PRKN: variants seen among roughly 807,000 people sequenced by gnomAD.
PRKN encodes E3 ubiquitin-protein ligase parkin.
A neutral mutation model predicts 59.5 loss-of-function variants in PRKN; 56 were observed. That is an observed-to-expected ratio of 0.94 (90% confidence interval 0.76 to 1.18). PRKN has a LOEUF of 1.18. Ranked by LOEUF, PRKN falls within the 50% of genes most tolerant of loss-of-function variation. The pLI is 0.00. For synonymous variants in PRKN, 250 were observed against 222.1 expected, an observed-to-expected ratio of 1.13 and a Z score of -1.12; for missense variants, 657 against 596.4, an observed-to-expected ratio of 1.10 and a Z score of -1.06.
chr6:162,331,333 C>CA (rs1048452850), intron 2 of PRKN, among the ~76,000 whole-genome samples: 7 of 152,150 alleles, frequency 4.6e-5, no homozygotes, highest in Non-Finnish European at 1.0e-4. Context: ...TATCAACCAT[C>CA]AATCCTAAAC....
rs975595691 is a variant in PRKN, at chr6:161,457,634, T to TA, written c.1084-70758dup. Among the ~76,000 whole-genome samples the TA allele has an allele frequency of 2.6e-5, 4 of 152,192 alleles. No individual in the cohort carries two copies. Among genetic ancestry groups the TA allele is most frequent in the Non-Finnish European group, 5.9e-5 (4 of 68,026 alleles). ...TGCTCTGTGATCTGAGGGCTGAAGA[T>TA]ACATTACTGAAAACTCCAAGAAGGT... On this transcript the variant is annotated intron_variant, in intron 9 of 11. Coordinates refer to ENST00000366898, the MANE Select transcript of PRKN (RefSeq NM_004562.3). The surrounding 1 kb of genome is among the most constrained non-coding windows in gnomAD (Gnocchi z 5.0).
chr6:161,704,428 C>T (rs1025898497), intron 7 of PRKN, among the ~76,000 whole-genome samples: 2 of 152,090 alleles, frequency 1.3e-5, no homozygotes, highest in Non-Finnish European at 1.5e-5. Flanking sequence ...CTACTTAAAC[C>T]TCACCTTAGA....
chr6:162,217,811 G>A lies in PRKN; in HGVS notation c.413-16559C>T, dbSNP rs533174954. Among the ~76,000 whole-genome samples, 8 of 152,226 alleles carry A rather than the reference G, an allele frequency of 5.3e-5. No individual in the cohort carries two copies. In the South Asian group the frequency reaches 1.7e-3, roughly 32 times the overall value. ...AAAACACTATCATGGTATTGTTAAG[G>A]CTCCAGCTTGGGGTTGTCTCTCAAT... On this transcript the variant is annotated intron_variant, in intron 3 of 11. Transcript: ENST00000366898.
chr6:161,814,794 G>A (rs1307218617), intron 6 of PRKN, among the ~76,000 whole-genome samples: 3 of 152,142 alleles, frequency 2.0e-5, no homozygotes, highest in Non-Finnish European at 4.4e-5. Flanking sequence ...GAGTAACCGC[G>A]CCCAGCCGGG....
intron 4 of PRKN, among the ~76,000 whole-genome samples, chr6:162,092,970 A>G (rs564531079): frequency 1.3e-5 from 2 of 152,210 alleles, no homozygotes; most frequent in Non-Finnish European, 2.9e-5. Context: ...CTTAGCTCTC[A>G]GAGCCGAAGC....
chr6:161,596,821 CCT>C (rs779739537), intron 7 of PRKN, among the ~76,000 whole-genome samples: 18 of 152,200 alleles, frequency 1.2e-4, no homozygotes, highest in Non-Finnish European at 1.9e-4. Flanking sequence ...TAGTTCTCTA[CCT>C]CTTTCTTCCC....
chr6:161,912,240 T>C (rs1035801882), intron 6 of PRKN, among the ~76,000 whole-genome samples: 3 of 151,884 alleles, frequency 2.0e-5, no homozygotes, highest in African/African-American at 7.3e-5. Context: ...GATATCTTCC[T>C]TGAGCGGACG....
chr6:161,957,899 G>A (rs1182142745), intron 6 of PRKN, among the ~76,000 whole-genome samples: 2 of 152,022 alleles, frequency 1.3e-5, no homozygotes, highest in African/African-American at 4.8e-5. Context: ...TTAACTACGC[G>A]GATCAATTTA....
At chr6:161,860,428 C>T (rs1211720597) in intron 6 of PRKN, among the ~76,000 whole-genome samples, 1 of 152,176 alleles carries the variant, frequency 6.6e-6, no homozygotes, top group Non-Finnish European at 1.5e-5. Flanking sequence ...TAATATCCCA[C>T]TTAAATCTTC....
intron 3 of PRKN, among the ~76,000 whole-genome samples, chr6:162,231,887 A>G (rs1161437850): frequency 1.3e-5 from 2 of 152,170 alleles, no homozygotes; most frequent in African/African-American, 2.4e-5. Context: ...AAGGAAATGC[A>G]GTGCTCTGTA....
chr6:162,149,336 C>T (rs1782162730), intron 4 of PRKN, among the ~76,000 whole-genome samples: 3 of 152,054 alleles, frequency 2.0e-5, no homozygotes, highest in African/African-American at 4.8e-5. Context: ...TCTCTGCCTC[C>T]CTGGTTCAAG....
intron 2 of PRKN, among the ~76,000 whole-genome samples, chr6:162,296,049 T>C (rs1054833062): frequency 2.6e-5 from 4 of 152,146 alleles, no homozygotes; most frequent in African/African-American, 9.7e-5. Context: ...AGCAAGTTTG[T>C]ATCTGGGATT....
chr6:162,235,963 A>AAGAAAAAGAAAGAAAGAAAGAAAGAAAG (rs1778662455), intron 3 of PRKN, among the ~76,000 whole-genome samples: 1 of 61,540 alleles, frequency 1.6e-5, no homozygotes, highest in African/African-American at 7.6e-5. Flanking sequence ...GAAAGGAAGA[A>AAGAAAAAGAAAGAAAGAAAGAAAGAAAG]AGAAAGAAAG....
intron 1 of PRKN, among the ~76,000 whole-genome samples, chr6:162,567,868 C>A (rs1168148610): frequency 1.3e-5 from 2 of 152,164 alleles, no homozygotes; most frequent in East Asian, 3.9e-4. Context: ...TCAAATTATA[C>A]TACAGAGCTA....
At position 161,354,697 on chromosome 6, in the gene PRKN, T is replaced by C. The variant is rs1251995090; in HGVS notation, c.1286-4486A>G. ...TGAGTATGTAACAGGCCACGAACCT[T>C]GGTGACAACCAGGTAACATCCTTGG... On this transcript the variant is annotated intron_variant, in intron 11 of 11. Transcript: ENST00000366898. The surrounding 1 kb of genome is among the most constrained non-coding windows in gnomAD (Gnocchi z 6.7). 6.6e-6 allele frequency among the ~76,000 whole-genome samples: 1 copy of C among 152,194 alleles called. No homozygotes were observed. The highest frequency in any genetic ancestry group is 1.5e-5 in the Non-Finnish European group (1 of 68,030).
intron 4 of PRKN, among the ~76,000 whole-genome samples, chr6:162,060,526 A>T (rs1778057598): frequency 6.6e-6 from 1 of 152,190 alleles, no homozygotes; most frequent in Admixed American, 6.5e-5. Context: ...GGGTTTTAAA[A>T]TTTATTTTCA....
At position 162,236,070 on chromosome 6, in the gene PRKN, C is replaced by T. The variant is rs114790273; in HGVS notation, c.412+26455G>A. Among the ~76,000 whole-genome samples, 1,301 of 152,150 alleles carry T rather than the reference C, an allele frequency of 8.6e-3. 18 individuals are homozygous for T. Among genetic ancestry groups the T allele is most frequent in the African/African-American group, 0.029 (1,194 of 41,482 alleles). On this transcript the variant is annotated intron_variant, in intron 3 of 11. Coordinates refer to ENST00000366898, the MANE Select transcript of PRKN (RefSeq NM_004562.3). ...TCAAAAACAGCTTACTGCCAGGTCC[C>T]CCTTTCCCCATATGAATTAGATGTG...
intron 1 of PRKN, among the ~76,000 whole-genome samples, chr6:162,603,090 C>T (rs944679448): frequency 1.4e-4 from 21 of 152,046 alleles, no homozygotes; most frequent in African/African-American, 4.6e-4. Flanking sequence ...TCTTTTGGTT[C>T]GTGGGGTGTT....
Position 161,423,380 on chromosome 6 carries a change from G to A in PRKN, c.1084-36503C>T, listed in dbSNP as rs1443275368. On this transcript the variant is annotated intron_variant, in intron 9 of 11. Coordinates refer to ENST00000366898, the MANE Select transcript of PRKN (RefSeq NM_004562.3). This position sits in a 1 kb window ranked among gnomAD's most constrained non-coding sequence, Gnocchi z 5.9. ...CTTGCAGCTTACATGTAAATAATTC[G>A]GAGGTGAGTACTGCGATGCAGTTAC... 1.3e-5 allele frequency among the ~76,000 whole-genome samples: 2 copies of A among 152,128 alleles called. No homozygotes were observed. Among genetic ancestry groups the A allele is most frequent in the South Asian group, 2.1e-4 (1 of 4,824 alleles).
Sources: allele counts gnomAD v4.1 joint callset (sites outside exome capture counted in the v4.1 genomes callset), GRCh38; gene constraint gnomAD v4.1.1; non-coding constraint Gnocchi (gnomAD v3.1); transcripts MANE v1.5; gene names NCBI Gene and HGNC (gene_info 2026-07-23, HGNC 2026-07-21).